Variants in IFT140 observed in about 807,000 individuals in gnomAD.
IFT140 encodes intraflagellar transport 140.
In IFT140, 133 loss-of-function variants were observed where a neutral mutation model predicts 164.6. That is an observed-to-expected ratio of 0.81 (90% CI 0.70 to 0.93). IFT140 has a LOEUF of 0.93. Among genes scored for constraint, IFT140 ranks in the 40% least tolerant of loss-of-function variants. IFT140 has a pLI of 0.00. For missense variants in IFT140, 2,045 were observed against 1,972.3 expected, an observed-to-expected ratio of 1.04 and a Z score of -0.70; for synonymous variants, 860 against 817.3, an observed-to-expected ratio of 1.05 and a Z score of -0.89.
chr16:1,591,092 C>T (rs11641248), intron 6 of IFT140, among the ~76,000 whole-genome samples: 4,931 of 152,290 alleles, frequency 0.032, 110 homozygotes, highest in Non-Finnish European at 0.047. Context: ...ACGTGAGGCA[C>T]AGCGATGAAC....
chr16:1,523,669 G>A lies in IFT140; in HGVS notation c.3302C>T (p.Ala1101Val), dbSNP rs773291603. The A allele has an allele frequency of 3.1e-5, 50 of 1,613,718 alleles. No homozygotes were observed. Among genetic ancestry groups the A allele is most frequent in the Non-Finnish European group, 4.2e-5 (50 of 1,179,990 alleles). Residue 1101 changes from alanine (A) to valine (V), a missense_variant, in exon 26 of 31, where the codon GCC becomes GTC. Coordinates refer to ENST00000426508, the MANE Select transcript of IFT140 (RefSeq NM_014714.4). ...AGHFSKALEL[A>V]FATQQFVALQ... ...GGCCACAAACTGCTGGGTGGCAAAG[G>A]CCAGCTCCAGGGCCTTGGAGAAGTG...
At chr16:1,584,992 G>A (rs1314743227) in intron 10 of IFT140, among the ~76,000 whole-genome samples, 1 of 152,168 alleles carries the variant, frequency 6.6e-6, no homozygotes, top group East Asian at 1.9e-4. Context: ...CTGGAAACGT[G>A]GTGAAGGAGC....
In IFT140 at chr16:1,510,743, A is replaced by G; in HGVS notation, c.*201T>C. The stretch of plus-strand genomic sequence containing the variant: ...AATCTAGTGGAGCTGCCGGGCACCC[A>G]GAGGCAGGTGGGACAGAGCAAGGTG... On this transcript the variant is annotated 3_prime_UTR_variant, in exon 31 of 31. Transcript: ENST00000426508. 1 of 601,992 alleles carries G rather than the reference A, an allele frequency of 1.7e-6. No individual in the cohort carries two copies. Among genetic ancestry groups the G allele is most frequent in the East Asian group, 2.8e-5 (1 of 35,542 alleles). 37.3% of individuals were successfully genotyped at this position (601,992 alleles called of 1,614,324 possible).
At chr16:1,588,451 G>C (rs994347577) in intron 7 of IFT140, among the ~76,000 whole-genome samples, 2 of 152,010 alleles carry the variant, frequency 1.3e-5, no homozygotes, top group Non-Finnish European at 2.9e-5. Context: ...CGTGAACACG[G>C]GAGGCGGAGA....
In IFT140 at chr16:1,563,985, G is replaced by C; in HGVS notation, c.2067+12C>G. ...AGTGTGTCTAAACTCAAATACAACA[G>C]GCAGAGCGTACCGCAGGGCCAGCGC... On this transcript the variant is annotated intron_variant, in intron 17 of 30. Coordinates refer to ENST00000426508, the MANE Select transcript of IFT140 (RefSeq NM_014714.4). 6.4e-7 allele frequency: 1 copy of C among 1,555,852 alleles called. No homozygotes were observed. The highest frequency in any genetic ancestry group is 8.8e-7 in the Non-Finnish European group (1 of 1,142,298).
intron 13 of IFT140, chr16:1,579,224 G>C (rs2034430862): frequency 6.6e-6 from 1 of 152,116 alleles, no homozygotes; most frequent in Non-Finnish European, 1.5e-5. Context: ...TTGTGAGGTG[G>C]AAGTGGGTCA....
intron 18 of IFT140, among the ~76,000 whole-genome samples, chr16:1,559,213 A>T (rs149738684): frequency 3.3e-5 from 5 of 152,324 alleles, no homozygotes; most frequent in South Asian, 2.1e-4. Context: ...CACGCACAAA[A>T]ACAACAGGGA....
intron 19 of IFT140, chr16:1,534,658 C>T: frequency 6.6e-7 from 1 of 1,519,284 alleles, no homozygotes; most frequent in East Asian, 2.3e-5. Flanking sequence ...AGGCCTGGCC[C>T]CTGCTCTGCC....
chr16:1,608,580 C>G (rs2036188063), intron 2 of IFT140, among the ~76,000 whole-genome samples: 1 of 140,230 alleles, frequency 7.1e-6, no homozygotes, highest in South Asian at 2.2e-4. Context: ...TTGCGGTAAG[C>G]TGAGATCGCG....
rs370320598 is a variant in IFT140, at chr16:1,604,082, T to C, written c.148-1491A>G. On this transcript the variant is annotated intron_variant, in intron 3 of 30. Transcript: ENST00000426508. Reference sequence around the variant, plus strand: ...ATTTAATAATATTTATTTTAAAAAATATCCCATTTACCATATATGTTATAG... The same window carrying C: ...ATTTAATAATATTTATTTTAAAAAACATCCCATTTACCATATATGTTATAG... Among the ~76,000 whole-genome samples, 177 of 152,344 alleles carry C rather than the reference T, an allele frequency of 1.2e-3. 3 individuals carry two copies. The highest frequency in any genetic ancestry group is 3.9e-4 in the Admixed American group (6 of 15,304).
chr16:1,537,064 A>T (rs2031146365), intron 19 of IFT140, among the ~76,000 whole-genome samples: 1 of 152,170 alleles, frequency 6.6e-6, no homozygotes, highest in African/African-American at 2.4e-5. Flanking sequence ...TGCCTTGGCC[A>T]GTGTTCCTTG....
chr16:1,534,061 G>T, intron 19 of IFT140: 2 of 590,298 alleles, frequency 3.4e-6, no homozygotes, highest in Non-Finnish European at 5.6e-6. Flanking sequence ...AGCAGCTTCA[G>T]CACAGGCCTG....
chr16:1,557,330 C>A (rs1374562011), intron 19 of IFT140, among the ~76,000 whole-genome samples: 1 of 152,188 alleles, frequency 6.6e-6, no homozygotes, highest in African/African-American at 2.4e-5. Context: ...CGACAGCGGG[C>A]CGGGGTCCTG....
At position 1,557,986 on chromosome 16, in the gene IFT140, A is replaced by T. The variant is rs745766735; in HGVS notation, c.2348T>A (p.Val783Asp). 3.1e-5 allele frequency: 50 copies of T among 1,613,812 alleles called. No homozygotes were observed. In the South Asian group the frequency reaches 4.9e-4, roughly 16 times the overall value. Residue 783 changes from valine (V) to aspartate (D), a missense_variant, in exon 19 of 31, where the codon GTC (valine) becomes GAC (aspartate). Coordinates refer to ENST00000426508, the MANE Select transcript of IFT140 (RefSeq NM_014714.4). ...GGCTTCGTCCATGTCTCCTATGGTGACAAAGAAGCTGAAGTGGAGCATGGC... is the reference window on the plus strand; with the variant it reads ...GGCTTCGTCCATGTCTCCTATGGTGTCAAAGAAGCTGAAGTGGAGCATGGC... ...RDAMLHFSFF[V>D]TIGDMDEAFK...
At chr16:1,611,490 CAA>C (rs150781872) in intron 1 of IFT140, among the ~76,000 whole-genome samples, 31 of 86,686 alleles carry the variant, frequency 3.6e-4, no homozygotes, top group Non-Finnish European at 3.8e-4. Context: ...CAGAGCGAGT[CAA>C]AAAAAAAAAA....
At chr16:1,595,871 G>A (rs754045085) in intron 4 of IFT140, among the ~76,000 whole-genome samples, 5 of 152,116 alleles carry the variant, frequency 3.3e-5, no homozygotes, top group Non-Finnish European at 7.4e-5. Context: ...TGGCCAACAT[G>A]GCGAAATCCT....
At chr16:1,587,877 G>A in intron 8 of IFT140, 56 bp downstream of exon 8, 2 of 1,366,496 alleles carry the variant, frequency 1.5e-6, no homozygotes, top group Non-Finnish European at 2.0e-6. Context: ...CTGACTTAGA[G>A]GAGCCTGTTC....
chr16:1,572,963 G>A (rs560023798), intron 13 of IFT140, among the ~76,000 whole-genome samples: 2 of 152,306 alleles, frequency 1.3e-5, no homozygotes, highest in East Asian at 3.9e-4. Context: ...CTAGTGCATG[G>A]GAGCTGCACA....
chr16:1,554,068 G>A lies in IFT140; in HGVS notation c.2399+3867C>T. 4.7e-6 allele frequency: 6 copies of A among 1,287,150 alleles called. No homozygotes were observed. The South Asian group carries it at 4.9e-5, about 11-fold the overall frequency. The allele number at this position is 1,287,150 out of a possible 1,614,324, so 79.7% of individuals were successfully genotyped here. On this transcript the variant is annotated intron_variant, in intron 19 of 30. Coordinates refer to ENST00000426508, the MANE Select transcript of IFT140 (RefSeq NM_014714.4). ...GGAAAGAGAGGGGAAAGCATGGAAGGAAAATCTGCCAGGGAGGAGGGAGGG... is the reference window on the plus strand; with the variant it reads ...GGAAAGAGAGGGGAAAGCATGGAAGAAAAATCTGCCAGGGAGGAGGGAGGG...
Sources: gnomAD v4.1 joint callset for allele counts (sites outside exome capture counted in the v4.1 genomes callset) on GRCh38, gnomAD v4.1.1 for gene constraint, MANE v1.5 for transcripts, NCBI Gene and HGNC (gene_info 2026-07-23, HGNC 2026-07-21) for gene names.